CEMIP: variants seen among roughly 807,000 people sequenced by gnomAD.
The protein encoded by CEMIP is cell migration-inducing and hyaluronan-binding protein.
In CEMIP, 105 loss-of-function variants were observed where a neutral mutation model predicts 156.9. The ratio of observed to expected loss-of-function variants is 0.67; its 90% CI spans 0.57 to 0.79. The LOEUF (loss-of-function observed/expected upper bound fraction) is 0.79, where lower values mean the gene tolerates loss of function less well. Among genes scored for constraint, CEMIP ranks in the 30% least tolerant of loss-of-function variants. CEMIP has a pLI of 0.00. For missense variants in CEMIP, 1,457 were observed against 1,769.4 expected, an observed-to-expected ratio of 0.82 and a Z score of 3.17; for synonymous variants, 676 against 668.4, an observed-to-expected ratio of 1.01 and a Z score of -0.17.
At chr15:80,857,854 T>C (rs907757261) in intron 1 of CEMIP, among the ~76,000 whole-genome samples, 2 of 152,160 alleles carry the variant, frequency 1.3e-5, no homozygotes, top group African/African-American at 4.8e-5. Context: ...GACCTTCAGA[T>C]GGGAAGAAGA....
At chr15:80,938,685 C>A (rs1300630629) in intron 25 of CEMIP, among the ~76,000 whole-genome samples, 2 of 152,204 alleles carry the variant, frequency 1.3e-5, no homozygotes, top group African/African-American at 4.8e-5. Flanking sequence ...GAACCTAGAT[C>A]TGTCTGTCTT....
intron 1 of CEMIP, among the ~76,000 whole-genome samples, chr15:80,798,434 C>T (rs1032770960): frequency 6.6e-6 from 1 of 151,874 alleles, no homozygotes; most frequent in Non-Finnish European, 1.5e-5. Context: ...AGAATGATTT[C>T]TAGAAGTATA....
intron 23 of CEMIP, among the ~76,000 whole-genome samples, chr15:80,935,184 G>A (rs750132112): frequency 1.6e-4 from 25 of 152,314 alleles, no homozygotes; most frequent in African/African-American, 5.5e-4. Context: ...GTGAGTGGTT[G>A]ATATGATGAT....
At chr15:80,847,982 T>C (rs1211174111) in intron 1 of CEMIP, among the ~76,000 whole-genome samples, 1 of 152,204 alleles carries the variant, frequency 6.6e-6, no homozygotes, top group Non-Finnish European at 1.5e-5. Flanking sequence ...CATCTCCTCC[T>C]CAAATGCCTT....
chr15:80,904,831 G>A (rs1899726804), intron 12 of CEMIP, among the ~76,000 whole-genome samples: 1 of 152,184 alleles, frequency 6.6e-6, no homozygotes, highest in South Asian at 2.1e-4. Flanking sequence ...AAGGCTATAA[G>A]AGAATACATT....
In CEMIP at chr15:80,906,943, G is replaced by T; in HGVS notation, c.1587+105G>T. On this transcript the variant is annotated intron_variant, in intron 13 of 29. Coordinates refer to ENST00000394685, the MANE Select transcript of CEMIP (RefSeq NM_001293298.2). This position sits in a 1 kb window ranked among gnomAD's most constrained non-coding sequence, Gnocchi z 4.3. ...TAGGGATGAGGGTGGGGGAACAGGA[G>T]GTGGGATCAAGGGGAGGGCGCCTTC... 2.3e-6 allele frequency: 3 copies of T among 1,318,098 alleles called. No homozygotes were observed. Among genetic ancestry groups the T allele is most frequent in the Non-Finnish European group, 3.2e-6 (3 of 938,308 alleles). The allele number at this position is 1,318,098 out of a possible 1,614,324, so 81.7% of individuals were successfully genotyped here.
chr15:80,931,687 G>A (rs1900917646), intron 21 of CEMIP, among the ~76,000 whole-genome samples, 172 bp from the exon 22 acceptor site: 1 of 152,002 alleles, frequency 6.6e-6, no homozygotes, highest in Non-Finnish European at 1.5e-5. Context: ...ATAATGATCT[G>A]GGGCAGGGGG....
chr15:80,902,684 C>T (rs1219006203), intron 12 of CEMIP, among the ~76,000 whole-genome samples: 1 of 152,196 alleles, frequency 6.6e-6, no homozygotes, highest in Non-Finnish European at 1.5e-5. Flanking sequence ...GTCTGATAAA[C>T]ACAGTGCCTC....
At chr15:80,945,489 T>C (rs531935847) in intron 28 of CEMIP, among the ~76,000 whole-genome samples, 1 of 152,360 alleles carries the variant, frequency 6.6e-6, no homozygotes, top group East Asian at 1.9e-4. Context: ...GAGTGGAGGA[T>C]GTGTTAGCAA....
chr15:80,900,585 G>GGGGTGTGTGTGTGTGTGTGT (rs1218716074), intron 12 of CEMIP, among the ~76,000 whole-genome samples: 1 of 74,974 alleles, frequency 1.3e-5, no homozygotes, highest in African/African-American at 5.7e-5. Context: ...CCCAGGTAGG[G>GGGGTGTGTGTGTGTGTGTGT]GTGTGTGTGT....
At chr15:80,850,269 T>C (rs936880163) in intron 1 of CEMIP, among the ~76,000 whole-genome samples, 1 of 152,044 alleles carries the variant, frequency 6.6e-6, no homozygotes, top group African/African-American at 2.4e-5. Context: ...TGGTGGCAGC[T>C]TCTTTATTGT....
chr15:80,813,557 G>A (rs568713315), intron 1 of CEMIP, among the ~76,000 whole-genome samples: 28 of 152,108 alleles, frequency 1.8e-4, no homozygotes, highest in Admixed American at 3.3e-4. Context: ...TGTTGGCCAG[G>A]CTGGTCTCGA....
At chr15:80,831,456 G>A (rs766352783) in intron 1 of CEMIP, among the ~76,000 whole-genome samples, 5 of 152,288 alleles carry the variant, frequency 3.3e-5, no homozygotes, top group East Asian at 1.9e-4. Flanking sequence ...GGGCACAGGA[G>A]TGCAGATTAG....
At position 80,801,050 on chromosome 15, in the gene CEMIP, T is replaced by G. The variant is rs570681869; in HGVS notation, c.-176+21436T>G. 3.5e-4 allele frequency among the ~76,000 whole-genome samples: 54 copies of G among 152,366 alleles called. 1 individual carries two copies. Among genetic ancestry groups the G allele is most frequent in the African/African-American group, 9.9e-4 (41 of 41,592 alleles). On this transcript the variant is annotated intron_variant, in intron 1 of 29. Transcript: ENST00000394685. ...ATGCTGCTTCTTGCCATCTTGCTGC[T>G]GTAAATGCTGCTTTCTCTGCTCAAT... is the stretch of plus-strand genomic sequence containing the variant.
chr15:80,804,028 C>G (rs1172384323), intron 1 of CEMIP, among the ~76,000 whole-genome samples: 1 of 152,192 alleles, frequency 6.6e-6, no homozygotes, highest in Non-Finnish European at 1.5e-5. Flanking sequence ...ATGTTGCATG[C>G]CAGCAGGCAA....
chr15:80,874,266 G>A, intron 3 of CEMIP, among the ~76,000 whole-genome samples: 1 of 152,252 alleles, frequency 6.6e-6, no homozygotes, highest in East Asian at 1.9e-4. Flanking sequence ...GGTAGCGACT[G>A]TGGTCAACTG....
rs201373194 is a variant in CEMIP, at chr15:80,895,072, G to A, written c.1169G>A (p.Arg390Gln). Residue 390 changes from arginine to glutamine, a missense_variant, in exon 11 of 30, where the codon CGG (arginine) becomes CAG (glutamine). Arg to Gln is a conservative substitution (Grantham distance 43, BLOSUM62 1). Coordinates refer to ENST00000394685, the MANE Select transcript of CEMIP (RefSeq NM_001293298.2). The part of the protein sequence containing the change: ...GQDYRFACYD[R>Q]GRACRSYRVR... ...GATTATAGGTTTGCTTGCTACGACC[G>A]GGGCAGAGCCTGCCGGAGCTACCGT... 117 of 1,614,192 alleles carry A rather than the reference G, an allele frequency of 7.2e-5. No individual in the cohort carries two copies. The highest frequency in any genetic ancestry group is 1.1e-4 in the African/African-American group (8 of 75,046).
intron 1 of CEMIP, among the ~76,000 whole-genome samples, chr15:80,812,232 G>T (rs910159735): frequency 1.3e-5 from 2 of 152,172 alleles, no homozygotes; most frequent in Admixed American, 1.3e-4. Flanking sequence ...AACCTCTCAT[G>T]AGCATATTCT....
chr15:80,892,216 T>C (rs1313905860), intron 10 of CEMIP, among the ~76,000 whole-genome samples: 1 of 152,114 alleles, frequency 6.6e-6, no homozygotes, highest in African/African-American at 2.4e-5. Flanking sequence ...CCAGATCCTC[T>C]GGGCCAGGGA....
Sources: gnomAD v4.1 joint callset for allele counts (sites outside exome capture counted in the v4.1 genomes callset) on GRCh38, gnomAD v4.1.1 for gene constraint, Gnocchi (gnomAD v3.1) non-coding constraint, MANE v1.5 for transcripts, NCBI Gene and HGNC (gene_info 2026-07-23, HGNC 2026-07-21) for gene names.